Variants in FAM3A observed in about 807,000 individuals in gnomAD.
The protein encoded by FAM3A is protein FAM3A.
FAM3A carries 5 observed loss-of-function variants against 18.1 expected under a neutral mutation model. The ratio of observed to expected loss-of-function variants is 0.28; its 90% CI spans 0.14 to 0.58. FAM3A has a LOEUF of 0.58. FAM3A is among the 20% of genes least tolerant of loss of function. The probability of loss-of-function intolerance (pLI) is 0.91; values close to 1 mark genes in which losing one functional copy is unlikely to be tolerated. For synonymous variants in FAM3A, 108 were observed against 90.2 expected, an observed-to-expected ratio of 1.20 and a Z score of -1.12; for missense variants, 154 against 216.6, an observed-to-expected ratio of 0.71 and a Z score of 1.81.
At chrX:154,511,961 C>A in intron 2 of FAM3A, 90 bp from the exon 3 acceptor site, 1 of 859,273 alleles carries the variant, frequency 1.2e-6, no homozygotes, top group Non-Finnish European at 1.7e-6. Flanking sequence ...GAAGTGTAGA[C>A]ACAGGCAGTC....
chrX:154,506,191 A>G lies in FAM3A; in HGVS notation c.*620T>C, dbSNP rs1603400668. On this transcript the variant is annotated 3_prime_UTR_variant, in exon 9 of 9. Transcript: ENST00000447601. ...ATTTCTTCTGTGGGGCCATCACTTT[A>G]TTAAGGGGTCATCTAGAAGGTGGGC... 1 of 112,841 alleles carries G rather than the reference A, an allele frequency of 8.9e-6. No individual in the cohort carries two copies. Among genetic ancestry groups the G allele is most frequent in the East Asian group, 2.8e-4 (1 of 3,569 alleles). The allele number at this position is 112,841 out of a possible 1,213,427, so 9.3% of individuals were successfully genotyped here.
chrX:154,512,776 C>T, intron 2 of FAM3A, 47 bp downstream of exon 2: 15 of 1,020,604 alleles, frequency 1.5e-5, no homozygotes, highest in Non-Finnish European at 1.9e-5. Flanking sequence ...CCCAGGTGGC[C>T]ACCTTGGTGG....
At chrX:154,509,797 G>A (rs1216438857) in intron 3 of FAM3A, 2 of 112,183 alleles carry the variant, frequency 1.8e-5, no homozygotes, top group Non-Finnish European at 3.8e-5. Context: ...GAGCCCTCAT[G>A]ACGTAACTAC....
At chrX:154,512,567 C>A (rs1232436525) in intron 2 of FAM3A, 3 of 375,664 alleles carry the variant, frequency 8.0e-6, no homozygotes, top group African/African-American at 2.6e-5. Context: ...AAGCTCCCTA[C>A]CCCTTACTCT....
rs782715399 is a variant in FAM3A, at chrX:154,506,660, G to A, written c.*151C>T. 1,666 of 472,096 alleles carry A rather than the reference G, an allele frequency of 3.5e-3. 5 individuals carry two copies. The highest frequency in any genetic ancestry group is 4.6e-3 in the Non-Finnish European group (1,242 of 271,282). The allele number at this position is 472,096 out of a possible 1,213,427, so 38.9% of individuals were successfully genotyped here. ...ATAGCCCCCACCACCTTGAGACCAC[G>A]TTCTGGTCACTGCCTCGGAGCCCCG... On this transcript the variant is annotated 3_prime_UTR_variant, in exon 9 of 9. Coordinates refer to ENST00000447601, the MANE Select transcript of FAM3A (RefSeq NM_021806.4).
rs781901760 is a variant in FAM3A, at chrX:154,508,353, T to TGG, written c.276-8_276-7dup. On this transcript the variant is annotated splice_region_variant and splice_polypyrimidine_tract_variant and intron_variant, in intron 4 of 8. Transcript: ENST00000447601. Reference sequence around the variant, plus strand: ...CCTTGACGCTGCTCATCAGCCTAGTTGGGGGGGGGTGGGGGGGACGGGGAG... The same window carrying TGG: ...CCTTGACGCTGCTCATCAGCCTAGTTGGGGGGGGGGGTGGGGGGGACGGGGAG... 4 of 291,953 alleles carry TGG rather than the reference T, an allele frequency of 1.4e-5. No individual in the cohort carries two copies. The highest frequency in any genetic ancestry group is 1.5e-5 in the Non-Finnish European group (3 of 206,866). The allele number at this position is 291,953 out of a possible 1,213,427, so 24.1% of individuals were successfully genotyped here.
In FAM3A at chrX:154,506,895, G is replaced by A. The variant is rs140359209; in HGVS notation, c.609C>T (p.Asn203=). 2 of 1,209,305 alleles carry A rather than the reference G, an allele frequency of 1.7e-6. No individual in the cohort carries two copies. Among genetic ancestry groups the A allele is most frequent in the Non-Finnish European group, 2.2e-6 (2 of 893,226 alleles). Residue 203 remains asparagine, a synonymous_variant, in exon 9 of 9, where the codon AAC becomes AAT. Coordinates refer to ENST00000447601, the MANE Select transcript of FAM3A (RefSeq NM_021806.4). The part of the protein sequence containing the change: ...NKSPFEQHVK[N]SKHSNKYEGW... ...CTTCGTACTTGTTGCTGTGCTTACT[G>A]TTCTTCACGTGCTGTGGGGAGGGGA...
In FAM3A at chrX:154,507,304, A is replaced by G; in HGVS notation, c.496T>C (p.Phe166Leu). 1 of 1,211,619 alleles carries G rather than the reference A, an allele frequency of 8.3e-7. No homozygotes were observed. The highest frequency in any genetic ancestry group is 1.1e-6 in the Non-Finnish European group (1 of 895,304). The change falls in exon 8 of 9, where the codon TTC becomes CTC. Residue 166 changes from phenylalanine to leucine, a missense_variant. Phe to Leu is a conservative substitution (Grantham distance 22). This residue lies in a region of FAM3A where 112 missense variants were observed against 160.0 expected (regional missense o/e 0.70). Transcript: ENST00000447601. Reference protein sequence around the residue: ...TKMNEETRKLFSELGSRNAKE... With the variant: ...TKMNEETRKLLSELGSRNAKE... ...GCGTTCCTGCTGCCCAGCTCACTGAAGAGCTTTCTGGTCTCTTCATTCATC... is the reference window on the plus strand; with the variant it reads ...GCGTTCCTGCTGCCCAGCTCACTGAGGAGCTTTCTGGTCTCTTCATTCATC...
At chrX:154,514,606 A>C (rs369220036) in intron 1 of FAM3A, among the ~76,000 whole-genome samples, 45 of 110,307 alleles carry the variant, frequency 4.1e-4, no homozygotes, top group East Asian at 4.1e-3. Context: ...GGGTTTCACC[A>C]TGTTAGCCAG....
chrX:154,512,975 T>A, intron 1 of FAM3A, 39 bp from the exon 2 acceptor site: 1 of 962,632 alleles, frequency 1.0e-6, no homozygotes, highest in Non-Finnish European at 1.5e-6. Context: ...TCACCTCAGA[T>A]ACCAGCGAAC....
Position 154,516,000 on chromosome X carries a change from C to G in FAM3A, c.-228G>C, listed in dbSNP as rs782223646. 8.6e-5 allele frequency: 37 copies of G among 429,939 alleles called. No individual in the cohort carries two copies. In the African/African-American group the frequency reaches 9.2e-4, roughly 11 times the overall value. The allele number at this position is 429,939 out of a possible 1,213,427, so 35.4% of individuals were successfully genotyped here. A position where few individuals can be genotyped will look rare whatever the true frequency, so the allele number is the denominator to read the frequency against. Reference sequence around the variant, plus strand: ...AGGAGGGGCCTCAGGAACCCGTTGGCTCACGATCTTGCCCACAGGAGCCTC... The same window carrying G: ...AGGAGGGGCCTCAGGAACCCGTTGGGTCACGATCTTGCCCACAGGAGCCTC... On this transcript the variant is annotated 5_prime_UTR_variant, in exon 1 of 9. Coordinates refer to ENST00000447601, the MANE Select transcript of FAM3A (RefSeq NM_021806.4).
intron 2 of FAM3A, chrX:154,512,551 C>T: frequency 2.8e-6 from 1 of 352,311 alleles, no homozygotes. Flanking sequence ...TCCCCATGTT[C>T]AGTGGAAGCT....
At chrX:154,514,246 A>C (rs1182260739) in intron 1 of FAM3A, among the ~76,000 whole-genome samples, 2 of 110,411 alleles carry the variant, frequency 1.8e-5, no homozygotes, top group Non-Finnish European at 3.8e-5. Context: ...GTGTCTTTTT[A>C]TTTTTTTTAT....
At chrX:154,514,916 C>T (rs1007276374) in intron 1 of FAM3A, among the ~76,000 whole-genome samples, 6 of 110,061 alleles carry the variant, frequency 5.5e-5, no homozygotes, top group Non-Finnish European at 1.1e-4. Context: ...GGCGCAATCT[C>T]GGCTCACTGC....
Position 154,508,597 on chromosome X carries a change from G to A in FAM3A, c.152C>T (p.Ala51Val), listed in dbSNP as rs372593781. The change falls in exon 4 of 9, where the codon GCG (alanine) becomes GTG (valine). Residue 51 changes from alanine (A) to valine (V), a missense_variant and splice_region_variant. By Grantham distance (64) the Ala-to-Val change is moderately conservative (BLOSUM62 0). Transcript: ENST00000447601. Reference protein sequence around the residue: ...FTSPESSVTAAPRARKYKCGL... With the variant: ...FTSPESSVTAVPRARKYKCGL... ...ACACTTGTACTTCCTGGCCCGTGGC[G>A]CTGGGCAGGGATAGCAGGTGTTATC... is the stretch of plus-strand genomic sequence containing the variant. The A allele has an allele frequency of 1.3e-5, 15 of 1,185,137 alleles. No homozygotes were observed. The highest frequency in any genetic ancestry group is 6.1e-5 in the East Asian group (2 of 32,613).
intron 1 of FAM3A, among the ~76,000 whole-genome samples, chrX:154,515,376 G>A: frequency 9.0e-6 from 1 of 111,089 alleles, no homozygotes; most frequent in East Asian, 2.8e-4. Context: ...CATCTTACTT[G>A]TCCAGGTGAC....
intron 8 of FAM3A, 97 bp downstream of exon 8, chrX:154,507,106 C>T: frequency 4.6e-6 from 5 of 1,086,250 alleles, no homozygotes; most frequent in Non-Finnish European, 6.2e-6. Flanking sequence ...GGGGACGGTC[C>T]CCTGCTGGGG....
intron 1 of FAM3A, among the ~76,000 whole-genome samples, chrX:154,515,536 A>G (rs1557225354): frequency 8.9e-6 from 1 of 112,041 alleles, no homozygotes; most frequent in Non-Finnish European, 1.9e-5. Context: ...GCGTTGGGAG[A>G]TACTGACTAT....
chrX:154,514,646 C>T (rs985740881), intron 1 of FAM3A, among the ~76,000 whole-genome samples: 5 of 111,397 alleles, frequency 4.5e-5, no homozygotes, highest in South Asian at 3.7e-4. Flanking sequence ...CCTCGTGATC[C>T]GCCCGCCTCG....
Sources: gnomAD v4.1 joint callset for allele counts (sites outside exome capture counted in the v4.1 genomes callset) on GRCh38, gnomAD v4.1.1 for gene constraint, gnomAD v4.1.1 regional missense constraint, MANE v1.5 for transcripts, NCBI Gene and HGNC (gene_info 2026-07-23, HGNC 2026-07-21) for gene names.